The following CLSTN2 variants were observed in gnomAD, a reference collection of about 807,000 sequenced individuals.
CLSTN2 encodes the protein calsyntenin-2.
A neutral mutation model predicts 101.2 loss-of-function variants in CLSTN2; 48 were observed. The observed-to-expected ratio is 0.47, with a 90% CI of 0.38 to 0.60. The LOEUF (loss-of-function observed/expected upper bound fraction) is 0.60, where lower values mean the gene tolerates loss of function less well. Among genes scored for constraint, CLSTN2 ranks in the 20% least tolerant of loss-of-function variants. The pLI is 0.00. For synonymous variants in CLSTN2, 481 were observed against 463.6 expected (o/e 1.04, Z -0.48); for missense variants, 1,160 against 1,238.2 (o/e 0.94, Z 0.95).
At chr3:140,132,557 G>A (rs750959976) in intron 1 of CLSTN2, among the ~76,000 whole-genome samples, 1 of 152,146 alleles carries the variant, frequency 6.6e-6, no homozygotes, top group African/African-American at 2.4e-5. Flanking sequence ...GAGTTGTTTA[G>A]TATGTCTTGG....
At chr3:140,278,397 C>T (rs925635741) in intron 2 of CLSTN2, among the ~76,000 whole-genome samples, 3 of 152,180 alleles carry the variant, frequency 2.0e-5, no homozygotes, top group African/African-American at 7.2e-5. Flanking sequence ...CAGCTTCTCT[C>T]AGGCTTCCCC....
intron 2 of CLSTN2, among the ~76,000 whole-genome samples, chr3:140,257,562 GT>G (rs745537296): frequency 0.071 from 4,400 of 61,800 alleles, 184 homozygotes; most frequent in African/African-American, 0.13. Context: ...CTTTCTAGGG[GT>G]GTGTGTGTGT....
At chr3:140,112,395 C>A (rs1198524595) in intron 1 of CLSTN2, among the ~76,000 whole-genome samples, 1 of 151,784 alleles carries the variant, frequency 6.6e-6, no homozygotes, top group Non-Finnish European at 1.5e-5. Context: ...CAAATAATGA[C>A]TTTTCTCCTA....
intron 2 of CLSTN2, among the ~76,000 whole-genome samples, chr3:140,217,793 A>G (rs1351912009): frequency 1.3e-5 from 2 of 152,262 alleles, no homozygotes; most frequent in Non-Finnish European, 2.9e-5. Flanking sequence ...GTTGGGCAAG[A>G]AAATGAAACT....
intron 2 of CLSTN2, among the ~76,000 whole-genome samples, chr3:140,294,458 C>A (rs542213081): frequency 6.6e-6 from 1 of 152,212 alleles, no homozygotes; most frequent in Non-Finnish European, 1.5e-5. Context: ...CATCACTGAT[C>A]ACCATCATCA....
At chr3:140,294,741 C>A (rs1276133016) in intron 2 of CLSTN2, among the ~76,000 whole-genome samples, 1 of 152,116 alleles carries the variant, frequency 6.6e-6, no homozygotes, top group African/African-American at 2.4e-5. Flanking sequence ...AACAAAGTAC[C>A]ATAGACTGGG....
intron 2 of CLSTN2, among the ~76,000 whole-genome samples, chr3:140,210,645 C>T (rs373801624): frequency 6.6e-6 from 1 of 152,164 alleles, no homozygotes; most frequent in African/African-American, 2.4e-5. Context: ...GATATTTTAT[C>T]GCAGTGAATC....
At chr3:140,492,956 T>C (rs536767) in intron 8 of CLSTN2, among the ~76,000 whole-genome samples, 1 of 152,040 alleles carries the variant, frequency 6.6e-6, no homozygotes, top group African/African-American at 2.4e-5. Flanking sequence ...ACCCTACTTA[T>C]CAGGGTTGTC....
At chr3:140,034,260 A>G (rs958876745) in intron 1 of CLSTN2, among the ~76,000 whole-genome samples, 5 of 152,238 alleles carry the variant, frequency 3.3e-5, no homozygotes, top group African/African-American at 1.2e-4. Flanking sequence ...AGCATGGAAA[A>G]GAGCAAATGA....
chr3:140,297,200 C>T (rs959808268), intron 2 of CLSTN2, among the ~76,000 whole-genome samples: 13 of 152,200 alleles, frequency 8.5e-5, no homozygotes, highest in African/African-American at 3.1e-4. Flanking sequence ...GGTGTTTATT[C>T]AGTCAGCCTC....
intron 1 of CLSTN2, among the ~76,000 whole-genome samples, chr3:140,009,798 CA>C (rs1468327401): frequency 6.6e-6 from 1 of 152,194 alleles, no homozygotes; most frequent in Admixed American, 6.5e-5. Context: ...TTCCAAACTA[CA>C]AAAGAAGCTG....
chr3:140,489,345 T>G (rs919798837), intron 8 of CLSTN2, among the ~76,000 whole-genome samples: 1 of 152,180 alleles, frequency 6.6e-6, no homozygotes, highest in Non-Finnish European at 1.5e-5. Flanking sequence ...GCATCTTGCT[T>G]TAGGATAAAA....
chr3:140,025,773 C>A (rs1330048682), intron 1 of CLSTN2, among the ~76,000 whole-genome samples: 2 of 152,298 alleles, frequency 1.3e-5, no homozygotes, highest in East Asian at 3.9e-4. Flanking sequence ...TGCTCTACTG[C>A]ATGAGGTTGG....
chr3:140,057,361 T>C (rs189193399), intron 1 of CLSTN2, among the ~76,000 whole-genome samples: 1 of 152,340 alleles, frequency 6.6e-6, no homozygotes, highest in East Asian at 1.9e-4. Context: ...GCAGATGTTT[T>C]ATAGCTGAGC....
At chr3:140,405,578 C>G (rs1466300391) in intron 4 of CLSTN2, among the ~76,000 whole-genome samples, 1 of 152,090 alleles carries the variant, frequency 6.6e-6, no homozygotes, top group Non-Finnish European at 1.5e-5. Flanking sequence ...GAATTTCAAC[C>G]CCAGTGAGAA....
chr3:140,153,603 G>A (rs912894030), intron 1 of CLSTN2, among the ~76,000 whole-genome samples: 10 of 152,234 alleles, frequency 6.6e-5, no homozygotes, highest in African/African-American at 2.2e-4. Context: ...CAAGGCACAA[G>A]GGGCCGTTCT....
chr3:140,519,947 G>GT (rs1361515857), intron 8 of CLSTN2, among the ~76,000 whole-genome samples: 2 of 152,288 alleles, frequency 1.3e-5, no homozygotes, highest in East Asian at 3.9e-4. Context: ...GCTGGTAATG[G>GT]TTTTTTCTTT....
At chr3:140,119,435 G>A (rs564042304) in intron 1 of CLSTN2, among the ~76,000 whole-genome samples, 1 of 152,206 alleles carries the variant, frequency 6.6e-6, no homozygotes, top group Non-Finnish European at 1.5e-5. Context: ...GCAGCACATA[G>A]TACATGTTTG....
At chr3:140,506,168 A>G (rs902653198) in intron 8 of CLSTN2, 1 of 152,224 alleles carries the variant, frequency 6.6e-6, no homozygotes, top group East Asian at 1.9e-4. Context: ...TTATCTGCCT[A>G]GGAAAGAATG....
Sources: allele counts gnomAD v4.1 joint callset (sites outside exome capture counted in the v4.1 genomes callset), GRCh38; gene constraint gnomAD v4.1.1; transcripts MANE v1.5; gene names NCBI Gene and HGNC (gene_info 2026-07-23, HGNC 2026-07-21).